The following CCDC149 variants were observed in gnomAD, a reference collection of about 807,000 sequenced individuals.
CCDC149 encodes coiled-coil domain containing 149.
In CCDC149, 45 loss-of-function variants were observed where a neutral mutation model predicts 59.9. That is an observed-to-expected ratio of 0.75 (90% confidence interval 0.59 to 0.96). The LOEUF is 0.96. CCDC149 is among the 40% of genes least tolerant of loss of function. The pLI, the probability that CCDC149 is intolerant of heterozygous loss-of-function variation, is 0.00. For synonymous variants in CCDC149, 245 were observed against 260.6 expected (o/e 0.94, Z 0.58); for missense variants, 584 against 664.7 (o/e 0.88, Z 1.33).
intron 1 of CCDC149, among the ~76,000 whole-genome samples, chr4:24,950,335 G>A (rs1723248720): frequency 6.6e-6 from 1 of 152,226 alleles, no homozygotes; most frequent in Non-Finnish European, 1.5e-5. Flanking sequence ...AACCTCATAG[G>A]TGGGTTGTGA....
At chr4:24,822,365 G>T (rs924799093) in intron 10 of CCDC149, 132 bp downstream of exon 10, 10 of 505,134 alleles carry the variant, frequency 2.0e-5, no homozygotes, top group African/African-American at 1.0e-4. Flanking sequence ...TTTCAGCAAT[G>T]ATCTACTTTA....
At chr4:24,958,728 T>C (rs1437355328) in intron 1 of CCDC149, among the ~76,000 whole-genome samples, 1 of 151,872 alleles carries the variant, frequency 6.6e-6, no homozygotes, top group African/African-American at 2.4e-5. Flanking sequence ...GTATCCAAAA[T>C]GAAAAACAGA....
At chr4:24,843,591 AG>A (rs1317009840) in intron 4 of CCDC149, among the ~76,000 whole-genome samples, 2 of 152,236 alleles carry the variant, frequency 1.3e-5, no homozygotes, top group Non-Finnish European at 2.9e-5. Flanking sequence ...TTCCAGTTTT[AG>A]TTTCAAACAA....
chr4:24,977,868 C>T (rs1405802218), intron 1 of CCDC149, among the ~76,000 whole-genome samples: 2 of 152,226 alleles, frequency 1.3e-5, no homozygotes, highest in Non-Finnish European at 2.9e-5. Context: ...CACAGTGGCT[C>T]ATGCCTGTAA....
chr4:24,948,366 G>T (rs1046505682), intron 1 of CCDC149, among the ~76,000 whole-genome samples: 22 of 152,312 alleles, frequency 1.4e-4, no homozygotes, highest in African/African-American at 5.3e-4. Context: ...CACAATGTTG[G>T]TTATCTTTGT....
Position 24,843,306 on chromosome 4 carries a change from C to T in CCDC149, c.373-5034G>A, listed in dbSNP as rs975836925. ...CTAGCCCTTTCTTGCCCCCAGTCCCCGTGTACTGCTGCAGATAGCACACCT... is the reference window on the plus strand; with the variant it reads ...CTAGCCCTTTCTTGCCCCCAGTCCCTGTGTACTGCTGCAGATAGCACACCT... On this transcript the variant is annotated intron_variant, in intron 4 of 12. Coordinates refer to ENST00000635206, the MANE Select transcript of CCDC149 (RefSeq NM_001330643.2). Among the ~76,000 whole-genome samples the T allele has an allele frequency of 2.0e-5, 3 of 152,320 alleles. No homozygotes were observed. In the South Asian group the frequency reaches 6.2e-4, roughly 32 times the overall value.
intron 4 of CCDC149, among the ~76,000 whole-genome samples, chr4:24,846,217 C>T (rs867895438): frequency 3.3e-5 from 5 of 152,190 alleles, no homozygotes; most frequent in Admixed American, 6.5e-5. Context: ...TTGCTGGACT[C>T]GCTGAGCATT....
chr4:24,979,692 G>A (rs1328248223), intron 1 of CCDC149, among the ~76,000 whole-genome samples: 5 of 152,166 alleles, frequency 3.3e-5, no homozygotes, highest in Non-Finnish European at 7.3e-5. Context: ...TTTCCTTCCT[G>A]AAACCAGAGT....
intron 3 of CCDC149, among the ~76,000 whole-genome samples, chr4:24,867,055 C>T (rs577436138): frequency 1.4e-4 from 21 of 152,298 alleles, no homozygotes; most frequent in African/African-American, 4.8e-4. Context: ...AAAGCCTGAA[C>T]TACAGCACCG....
At chr4:24,913,845 G>A (rs1722036024), upstream of CCDC149, among the ~76,000 whole-genome samples, 1 of 152,190 alleles carries the variant, frequency 6.6e-6, no homozygotes, top group Admixed American at 6.5e-5. Context: ...TCTCCTAAGA[G>A]GAAAGACTGA....
At chr4:24,825,081 A>C (rs1317780491) in intron 9 of CCDC149, among the ~76,000 whole-genome samples, 4 of 152,182 alleles carry the variant, frequency 2.6e-5, no homozygotes, top group Non-Finnish European at 4.4e-5. Context: ...AGAGAAGAGC[A>C]GGAGCCGAGT....
chr4:24,853,165 T>C lies in CCDC149; in HGVS notation c.279A>G (p.Gln93=), dbSNP rs1382348804. 6.2e-6 allele frequency: 10 copies of C among 1,609,224 alleles called. No homozygotes were observed. The highest frequency in any genetic ancestry group is 2.2e-5 in the East Asian group (1 of 44,842). ...TTCGGTCCTGAGAATCTCTCAATAG[T>C]TGTGCAAGATTAGCCTAGAAATATC... The change falls in exon 4 of 13, where the codon CAA becomes CAG. Residue 93 remains glutamine, a synonymous_variant. Coordinates refer to ENST00000635206, the MANE Select transcript of CCDC149 (RefSeq NM_001330643.2).
chr4:24,832,133 TAGG>T (rs1296697671), intron 8 of CCDC149, among the ~76,000 whole-genome samples: 1 of 152,168 alleles, frequency 6.6e-6, no homozygotes, highest in African/African-American at 2.4e-5. Context: ...TAAGATAATT[TAGG>T]AGATTATTTA....
chr4:24,916,854 A>T (rs1449209061), upstream of CCDC149, among the ~76,000 whole-genome samples: 1 of 147,378 alleles, frequency 6.8e-6, no homozygotes, highest in Non-Finnish European at 1.5e-5. Flanking sequence ...GCTCTATATG[A>T]GCCAGGAGGG....
chr4:24,859,464 T>C (rs1266786026), intron 3 of CCDC149, among the ~76,000 whole-genome samples: 1 of 152,096 alleles, frequency 6.6e-6, no homozygotes, highest in Non-Finnish European at 1.5e-5. Context: ...ATAAAAGCTA[T>C]CTATAACAAA....
At chr4:24,901,516 T>C (rs1721168044) in intron 1 of CCDC149, among the ~76,000 whole-genome samples, 1 of 152,170 alleles carries the variant, frequency 6.6e-6, no homozygotes. Context: ...ATATGCGAAT[T>C]TCCCCGCACA....
chr4:24,938,592 G>A (rs989279405), intron 1 of CCDC149, among the ~76,000 whole-genome samples: 11 of 152,212 alleles, frequency 7.2e-5, no homozygotes, highest in Admixed American at 3.9e-4. Flanking sequence ...GAAGCAGGGC[G>A]AGGAATCACT....
At chr4:24,876,758 AC>A in intron 1 of CCDC149, 61 bp from the exon 2 acceptor site, 1 of 1,495,328 alleles carries the variant, frequency 6.7e-7, no homozygotes, top group Non-Finnish European at 9.1e-7. Flanking sequence ...CATTAAACAC[AC>A]ACCGTACTTC....
intron 1 of CCDC149, among the ~76,000 whole-genome samples, chr4:24,945,500 C>G (rs994849695): frequency 1.3e-4 from 20 of 152,246 alleles, no homozygotes; most frequent in African/African-American, 4.6e-4. Context: ...CCCGTCAGAG[C>G]CTTCAAAGGG....
Sources: gnomAD v4.1 joint callset for allele counts (sites outside exome capture counted in the v4.1 genomes callset) on GRCh38, gnomAD v4.1.1 for gene constraint, MANE v1.5 for transcripts, NCBI Gene and HGNC (gene_info 2026-07-23, HGNC 2026-07-21) for gene names.